The following PLEKHG4B variants were observed in gnomAD, a reference collection of about 807,000 sequenced individuals.
PLEKHG4B encodes the protein pleckstrin homology and RhoGEF domain containing G4B, also known as pleckstrin homology domain-containing family G member 4B.
Under a neutral mutation model 121.3 loss-of-function variants are expected in PLEKHG4B, and 111 were observed. The ratio of observed to expected loss-of-function variants is 0.92; its 90% confidence interval spans 0.78 to 1.07. The LOEUF (loss-of-function observed/expected upper bound fraction) is 1.07. Ranked by LOEUF, PLEKHG4B falls within the 50% of genes least tolerant of loss-of-function variation. The pLI is 0.00. For synonymous variants in PLEKHG4B, 738 were observed against 725.0 expected (o/e 1.02, Z -0.29); for missense variants, 1,831 against 1,757.8 (o/e 1.04, Z -0.74).
At chr5:142,949 T>G in intron 3 of PLEKHG4B, 98 bp from the exon 4 acceptor site, 1 of 1,160,736 alleles carries the variant, frequency 8.6e-7, no homozygotes, top group South Asian at 1.4e-5. Context: ...CTTTCATGCG[T>G]GTTTTTGTCC....
intron 2 of PLEKHG4B, among the ~76,000 whole-genome samples, chr5:127,936 A>G (rs866908469): frequency 5.9e-5 from 9 of 152,228 alleles, no homozygotes; most frequent in Middle Eastern, 3.2e-3. Flanking sequence ...AGGCAGGACA[A>G]CTAGGGGATT....
At chr5:100,385 GCC>G (rs1225880065) in intron 1 of PLEKHG4B, among the ~76,000 whole-genome samples, 1 of 151,134 alleles carries the variant, frequency 6.6e-6, no homozygotes, top group African/African-American at 2.4e-5. Flanking sequence ...TCCATATAAA[GCC>G]CTGGAAAAAG....
intron 1 of PLEKHG4B, among the ~76,000 whole-genome samples, chr5:109,088 G>A (rs368200730): frequency 6.6e-6 from 1 of 151,916 alleles, no homozygotes; most frequent in Non-Finnish European, 1.5e-5. Context: ...GGGACAGTGT[G>A]GGTCCCCCGC....
At chr5:126,777 T>A (rs753833109) in intron 2 of PLEKHG4B, among the ~76,000 whole-genome samples, 1 of 149,174 alleles carries the variant, frequency 6.7e-6, no homozygotes, top group Non-Finnish European at 1.5e-5. Context: ...AGTTTAGGAG[T>A]GGAGGTTTAA....
Position 143,472 on chromosome 5 carries a change from C to A in PLEKHG4B, c.1780C>A (p.Arg594Ser). The A allele has an allele frequency of 6.2e-7, 1 of 1,612,902 alleles. No homozygotes were observed. The highest frequency in any genetic ancestry group is 1.7e-5 in the Admixed American group (1 of 60,028). ...REHSSCAELT[R>S]LLLYFHSIPR... Reference sequence around the variant, plus strand: ...ACACTCGTCCTGTGCTGAGCTGACCCGCCTGCTGCTGTACTTCCATAGCAT... The same window carrying A: ...ACACTCGTCCTGTGCTGAGCTGACCAGCCTGCTGCTGTACTTCCATAGCAT... The change falls in exon 5 of 20, where the codon CGC (arginine) becomes AGC (serine). Residue 594 changes from arginine to serine, a missense_variant. Transcript: ENST00000637938.
At chr5:93,460 GGAA>G (rs1733531071) in intron 1 of PLEKHG4B, among the ~76,000 whole-genome samples, 1 of 152,006 alleles carries the variant, frequency 6.6e-6, no homozygotes, top group African/African-American at 2.4e-5. Flanking sequence ...CAACCCACTG[GGAA>G]GCAGTGTTTG....
chr5:180,397 C>G lies in PLEKHG4B; in HGVS notation c.4403-1117C>G, dbSNP rs563979703. On this transcript the variant is annotated intron_variant, in intron 18 of 19. Coordinates refer to ENST00000637938, the MANE Select transcript of PLEKHG4B (RefSeq NM_052909.5). ...CCTTCCTCCCAGTGGTCCTTGAATT[C>G]CAGATTTTATCTCCCCACCCTGTGC... 3.3e-4 allele frequency among the ~76,000 whole-genome samples: 50 copies of G among 152,304 alleles called. 1 individual carries two copies. Among genetic ancestry groups the G allele is most frequent in the Middle Eastern group, 6.8e-3 (2 of 294 alleles).
At chr5:142,834 C>G (rs1560924839) in intron 3 of PLEKHG4B, among the ~76,000 whole-genome samples, 2 of 152,206 alleles carry the variant, frequency 1.3e-5, no homozygotes, top group African/African-American at 4.8e-5. Flanking sequence ...GAGACTCCGT[C>G]TCCGTGATGA....
rs1184604941 is a variant in PLEKHG4B at position 157,794 on chromosome 5, A to G, written c.2487+883A>G. Among the ~76,000 whole-genome samples the G allele has an allele frequency of 1.3e-5, 2 of 152,146 alleles. No homozygotes were observed. Among genetic ancestry groups the G allele is most frequent in the African/African-American group, 2.4e-5 (1 of 41,424 alleles). On this transcript the variant is annotated intron_variant, in intron 11 of 19. Transcript: ENST00000637938. This position sits in a 1 kb window ranked among gnomAD's most constrained non-coding sequence, Gnocchi z 4.6. Reference sequence around the variant, plus strand: ...AATCCTTATTATTTTATCAACAACTATTGCTGCGATGAATGTGCGGGTGAA... The same window carrying G: ...AATCCTTATTATTTTATCAACAACTGTTGCTGCGATGAATGTGCGGGTGAA...
chr5:163,280 C>A lies in PLEKHG4B; in HGVS notation c.3208C>A (p.Arg1070Ser), dbSNP rs762271174. Residue 1070 changes from arginine to serine, a missense_variant, in exon 13 of 20, where the codon CGC (arginine) becomes AGC (serine). Transcript: ENST00000637938. ...SSEPTQTLAS[R>S]PRKHPQKKMI... ...TGAGCCCACCCAGACCCTGGCCAGCCGCCCCAGGAAACATCCCCAGAAGAA... is the reference window on the plus strand; with the variant it reads ...TGAGCCCACCCAGACCCTGGCCAGCAGCCCCAGGAAACATCCCCAGAAGAA... The A allele has an allele frequency of 2.3e-5, 37 of 1,613,080 alleles. No individual in the cohort carries two copies. Among genetic ancestry groups the A allele is most frequent in the Non-Finnish European group, 3.1e-5 (36 of 1,180,002 alleles).
intron 1 of PLEKHG4B, among the ~76,000 whole-genome samples, chr5:104,857 A>T (rs1398022582): frequency 1.3e-5 from 2 of 152,340 alleles, no homozygotes; most frequent in East Asian, 3.9e-4. Flanking sequence ...CTAACACCAT[A>T]AATTACAACC....
At chr5:181,896 C>A in intron 19 of PLEKHG4B, 108 bp from the exon 20 acceptor site, 1 of 1,354,310 alleles carries the variant, frequency 7.4e-7, no homozygotes, top group Non-Finnish European at 1.0e-6. Context: ...GGCATGACTG[C>A]AGTGGCAAAG....
At position 147,962 on chromosome 5, in the gene PLEKHG4B, A is replaced by G. The variant is rs181853799; in HGVS notation, c.1905+3042A>G. ...ATGAAAACTGATCAGTGTAAACAGAATGAAGGGGGAAAAACACATGATCAT... is the reference window on the plus strand; with the variant it reads ...ATGAAAACTGATCAGTGTAAACAGAGTGAAGGGGGAAAAACACATGATCAT... On this transcript the variant is annotated intron_variant, in intron 6 of 19. Coordinates refer to ENST00000637938, the MANE Select transcript of PLEKHG4B (RefSeq NM_052909.5). Among the ~76,000 whole-genome samples the G allele has an allele frequency of 2.7e-3, 406 of 152,268 alleles. 3 individuals are homozygous for G. The highest frequency in any genetic ancestry group is 9.3e-3 in the African/African-American group (385 of 41,550).
intron 2 of PLEKHG4B, among the ~76,000 whole-genome samples, chr5:119,298 T>C (rs1455488490): frequency 6.6e-6 from 1 of 152,200 alleles, no homozygotes; most frequent in Non-Finnish European, 1.5e-5. Context: ...TTGGAAAATG[T>C]TTTTACCCAT....
At chr5:99,699 C>T (rs1169627514) in intron 1 of PLEKHG4B, among the ~76,000 whole-genome samples, 1 of 152,068 alleles carries the variant, frequency 6.6e-6, no homozygotes, top group Non-Finnish European at 1.5e-5. Context: ...TTCTTCCTTT[C>T]CAATTTGGAT....
rs1031043871 is a variant in PLEKHG4B at position 188,779 on chromosome 5, C to T, written c.*6456C>T. The T allele has an allele frequency of 1.3e-5, 2 of 152,278 alleles. No individual in the cohort carries two copies. Among genetic ancestry groups the T allele is most frequent in the African/African-American group, 4.8e-5 (2 of 41,464 alleles). The allele number at this position is 152,278 out of a possible 1,614,324, so 9.4% of individuals were successfully genotyped here. A position where few individuals can be genotyped will look rare whatever the true frequency, so the allele number is the denominator to read the frequency against. On this transcript the variant is annotated 3_prime_UTR_variant, in exon 20 of 20. Coordinates refer to ENST00000637938, the MANE Select transcript of PLEKHG4B (RefSeq NM_052909.5). ...CACTCTGCACCACAAGGTGGCCTCG[C>T]AGAGGAGCCTCCCGAGCTTTGGAAC...
chr5:169,520 G>A lies in PLEKHG4B; in HGVS notation c.3657G>A (p.Gln1219=), dbSNP rs935363518. 2.5e-6 allele frequency: 4 copies of A among 1,614,000 alleles called. No homozygotes were observed. Among genetic ancestry groups the A allele is most frequent in the Non-Finnish European group, 3.4e-6 (4 of 1,180,062 alleles). The change falls in exon 14 of 20, where the codon CAG becomes CAA. Residue 1219 remains glutamine (Q), a synonymous_variant. Coordinates refer to ENST00000637938, the MANE Select transcript of PLEKHG4B (RefSeq NM_052909.5). The part of the protein sequence containing the change: ...GNLEKLHDFH[Q]QHFLRELERC... Reference sequence around the variant, plus strand: ...TGGAGAAGCTCCACGACTTCCACCAGCAGCACTTCCTCCGGGAGCTGGAGC... The same window carrying A: ...TGGAGAAGCTCCACGACTTCCACCAACAGCACTTCCTCCGGGAGCTGGAGC...
chr5:181,486 G>C (rs746572171), intron 18 of PLEKHG4B, 28 bp from the exon 19 acceptor site: 2 of 1,605,526 alleles, frequency 1.2e-6, no homozygotes, highest in Non-Finnish European at 1.7e-6. Flanking sequence ...AGTTGCTTTG[G>C]AAACTGTCAT....
At position 159,859 on chromosome 5, in the gene PLEKHG4B, G is replaced by A. The variant is rs142613862; in HGVS notation, c.2488-1924G>A. 7.9e-4 allele frequency among the ~76,000 whole-genome samples: 120 copies of A among 152,034 alleles called. 3 individuals carry two copies. The highest frequency in any genetic ancestry group is 2.8e-3 in the African/African-American group (118 of 41,464). The stretch of plus-strand genomic sequence containing the variant: ...CCCTCACCCTGTCCTGTGGAGTCTC[G>A]GGACTTGGCCTCTGCTCTCCTCAGG... On this transcript the variant is annotated intron_variant, in intron 11 of 19. Transcript: ENST00000637938. The surrounding 1 kb of genome is among the most constrained non-coding windows in gnomAD (Gnocchi z 5.5).
Sources: allele counts gnomAD v4.1 joint callset (sites outside exome capture counted in the v4.1 genomes callset), GRCh38; gene constraint gnomAD v4.1.1; non-coding constraint Gnocchi (gnomAD v3.1); transcripts MANE v1.5; gene names NCBI Gene and HGNC (gene_info 2026-07-23, HGNC 2026-07-21).